The following GRHL1 variants were observed in gnomAD, a reference collection of about 807,000 sequenced individuals.
GRHL1 encodes grainyhead like transcription factor 1, also known as grainyhead-like protein 1 homolog.
A neutral mutation model predicts 75.7 loss-of-function variants in GRHL1; 38 were observed. That is an observed-to-expected ratio of 0.50 (90% CI 0.39 to 0.66). The LOEUF (loss-of-function observed/expected upper bound fraction) is 0.66, where lower values mean the gene tolerates loss of function less well. Ranked by LOEUF, GRHL1 falls within the 30% of genes least tolerant of loss-of-function variation. The pLI, the probability that GRHL1 is intolerant of heterozygous loss-of-function variation, is 0.00. For missense variants in GRHL1, 589 were observed against 767.5 expected (o/e 0.77, Z 2.75); for synonymous variants, 266 against 279.4 (o/e 0.95, Z 0.48).
chr2:9,960,909 G>A (rs1444332269), intron 3 of GRHL1, 137 bp from the exon 4 acceptor site: 5 of 620,052 alleles, frequency 8.1e-6, no homozygotes, highest in Admixed American at 3.0e-5. Context: ...ATCTAGTAAT[G>A]GGTAGTTTTG....
Position 9,992,860 on chromosome 2 carries a change from G to T in GRHL1, c.1462-347G>T, listed in dbSNP as rs1386014793. Among the ~76,000 whole-genome samples, 1 of 152,210 alleles carries T rather than the reference G, an allele frequency of 6.6e-6. No individual in the cohort carries two copies. Among genetic ancestry groups the T allele is most frequent in the Non-Finnish European group, 1.5e-5 (1 of 68,040 alleles). On this transcript the variant is annotated intron_variant, in intron 11 of 15. Transcript: ENST00000324907. The surrounding 1 kb of genome is among the most constrained non-coding windows in gnomAD (Gnocchi z 4.6). ...GGTTAGCACACTGTTTTTGTGAAGG[G>T]CTGGGCCGTAAAGGTTTTCAGCTTT...
At chr2:9,977,840 C>G (rs1483570499) in intron 8 of GRHL1, among the ~76,000 whole-genome samples, 1 of 152,038 alleles carries the variant, frequency 6.6e-6, no homozygotes, top group Non-Finnish European at 1.5e-5. Context: ...GTGTATTAGT[C>G]CATTTTCATG....
At chr2:9,989,332 G>A (rs1390436628) in intron 9 of GRHL1, among the ~76,000 whole-genome samples, 2 of 152,094 alleles carry the variant, frequency 1.3e-5, no homozygotes, top group Non-Finnish European at 2.9e-5. Flanking sequence ...ACTATGTAAA[G>A]AAATCTGTAC....
intron 8 of GRHL1, among the ~76,000 whole-genome samples, chr2:9,977,928 T>A (rs1668017585): frequency 6.6e-6 from 1 of 152,142 alleles, no homozygotes; most frequent in Admixed American, 6.5e-5. Context: ...TCCATGTGGC[T>A]GGGGAGGCCT....
At chr2:9,975,599 C>T (rs544718286) in intron 8 of GRHL1, among the ~76,000 whole-genome samples, 3 of 152,124 alleles carry the variant, frequency 2.0e-5, no homozygotes, top group Admixed American at 1.3e-4. Flanking sequence ...AAACACAGGC[C>T]GGGCGCGGTG....
At chr2:9,959,804 A>G (rs1031204933) in intron 3 of GRHL1, 1 of 152,174 alleles carries the variant, frequency 6.6e-6, no homozygotes, top group African/African-American at 2.4e-5. Flanking sequence ...TCTGAAGCAA[A>G]CTGTAAATAT....
chr2:9,999,937 G>T (rs182961563), intron 15 of GRHL1, among the ~76,000 whole-genome samples: 94 of 152,304 alleles, frequency 6.2e-4, no homozygotes, highest in Non-Finnish European at 7.4e-4. Flanking sequence ...TGTGTAATTT[G>T]TCAGGGGGCT....
At position 10,000,849 on chromosome 2, in the gene GRHL1, G is replaced by A. The variant is rs939520162; in HGVS notation, c.*142G>A. The A allele has an allele frequency of 2.8e-5, 15 of 532,736 alleles. No homozygotes were observed. The highest frequency in any genetic ancestry group is 2.3e-4 in the African/African-American group (12 of 52,046). 33.0% of individuals were successfully genotyped at this position (532,736 alleles called of 1,614,324 possible). ...AATGGGTTCCTTGCAGGTTGGAGGC[G>A]GGGCTGCATCTGGCTTGGTGGTAGC... On this transcript the variant is annotated 3_prime_UTR_variant, in exon 16 of 16. Transcript: ENST00000324907.
intron 5 of GRHL1, among the ~76,000 whole-genome samples, chr2:9,962,855 T>C (rs1368449691): frequency 6.6e-6 from 1 of 152,096 alleles, no homozygotes; most frequent in Admixed American, 6.5e-5. Flanking sequence ...TTGCCAAATA[T>C]ATATAATTAG....
chr2:9,996,022 G>C, intron 13 of GRHL1, 52 bp downstream of exon 13: 1 of 1,116,940 alleles, frequency 9.0e-7, no homozygotes, highest in Non-Finnish European at 1.4e-6. Context: ...AGTGAGTTCA[G>C]AATCTATCAA....
At chr2:9,991,935 T>C (rs2125242068) in intron 10 of GRHL1, 72 bp from the exon 11 acceptor site, 2 of 1,232,160 alleles carry the variant, frequency 1.6e-6, no homozygotes, top group African/African-American at 3.0e-5. Context: ...GCGAGCACTC[T>C]GTGGCCTGCA....
chr2:9,983,441 T>C (rs75502888), intron 8 of GRHL1, among the ~76,000 whole-genome samples: 3,998 of 152,264 alleles, frequency 0.026, 173 homozygotes, highest in African/African-American at 0.091. Flanking sequence ...CAAATCATCA[T>C]GAATGCACAC....
chr2:9,953,661 G>A (rs1255838006), intron 1 of GRHL1, among the ~76,000 whole-genome samples: 5 of 151,704 alleles, frequency 3.3e-5, no homozygotes, highest in African/African-American at 1.2e-4. Context: ...TTTTGAAGAT[G>A]TTCTCCTTTT....
At chr2:9,952,302 T>C (rs951288086) in intron 1 of GRHL1, among the ~76,000 whole-genome samples, 2 of 152,210 alleles carry the variant, frequency 1.3e-5, no homozygotes, top group African/African-American at 4.8e-5. Context: ...CCAGGTAATC[T>C]GTGGTCTCAG....
intron 12 of GRHL1, 26 bp from the exon 13 acceptor site, chr2:9,995,853 T>C: frequency 7.3e-7 from 1 of 1,375,510 alleles, no homozygotes; most frequent in Non-Finnish European, 1.0e-6. Flanking sequence ...GTTGAATCAC[T>C]AACGGCATAT....
intron 9 of GRHL1, among the ~76,000 whole-genome samples, chr2:9,986,633 G>A (rs1046572145): frequency 6.6e-6 from 1 of 152,004 alleles, no homozygotes; most frequent in African/African-American, 2.4e-5. Context: ...CCCCAGGCTG[G>A]TCTCCAACTC....
intron 12 of GRHL1, among the ~76,000 whole-genome samples, chr2:9,995,031 A>G (rs1668795651): frequency 6.6e-6 from 1 of 152,050 alleles, no homozygotes; most frequent in Non-Finnish European, 1.5e-5. Context: ...TGGGTACCAC[A>G]CTCAGTCTCA....
chr2:9,970,790 C>T (rs1031285380), intron 8 of GRHL1, among the ~76,000 whole-genome samples: 7 of 152,176 alleles, frequency 4.6e-5, no homozygotes, highest in African/African-American at 1.4e-4. Flanking sequence ...GAAGGAACTC[C>T]GAGGCCTTTG....
rs150242900 is a variant in GRHL1, at chr2:9,958,970, T to C, written c.278+114T>C. 1.2e-4 allele frequency: 175 copies of C among 1,444,060 alleles called. 1 individual carries two copies. Among genetic ancestry groups the C allele is most frequent in the East Asian group, 9.6e-4 (38 of 39,400 alleles). The allele number at this position is 1,444,060 out of a possible 1,614,324, so 89.5% of individuals were successfully genotyped here. On this transcript the variant is annotated intron_variant, in intron 3 of 15. Transcript: ENST00000324907. ...ACCACTAGTGAAAGAGATAGGTAAG[T>C]TGGACTCTTACTATCTAAATTCAGA...
Sources: allele counts gnomAD v4.1 joint callset (sites outside exome capture counted in the v4.1 genomes callset), GRCh38; gene constraint gnomAD v4.1.1; non-coding constraint Gnocchi (gnomAD v3.1); transcripts MANE v1.5; gene names NCBI Gene and HGNC (gene_info 2026-07-23, HGNC 2026-07-21).